PUS1: variants seen among roughly 807,000 people sequenced by gnomAD.
PUS1 encodes the protein pseudouridylate synthase 1 homolog.
PUS1 carries 25 observed loss-of-function variants against 38.5 expected under a neutral mutation model. That is an observed-to-expected ratio of 0.65 (90% CI 0.47 to 0.91). The LOEUF (loss-of-function observed/expected upper bound fraction) is 0.91, where lower values mean the gene tolerates loss of function less well. Ranked by LOEUF, PUS1 falls within the 40% of genes least tolerant of loss-of-function variation. The pLI is 0.00. For missense variants in PUS1, 597 were observed against 612.3 expected (o/e 0.97, Z 0.26); for synonymous variants, 282 against 260.4 (o/e 1.08, Z -0.80).
At chr12:131,938,238 G>A (rs778251114) in intron 3 of PUS1, among the ~76,000 whole-genome samples, 17 of 152,112 alleles carry the variant, frequency 1.1e-4, no homozygotes, top group Admixed American at 1.0e-3. Context: ...GAGGCCAGGA[G>A]TTCGAGACCA....
chr12:131,929,881 C>T, intron 1 of PUS1, 26 bp from the exon 2 acceptor site: 1 of 1,462,850 alleles, frequency 6.8e-7, no homozygotes. Flanking sequence ...CGAGCGGGCC[C>T]CCGCTCACGC....
Position 131,941,980 on chromosome 12 carries a change from C to A in PUS1, c.1233C>A (p.Ala411=), listed in dbSNP as rs764150814. The change falls in exon 5 of 6, where the codon GCC becomes GCA. Residue 411 remains alanine, a synonymous_variant. Coordinates refer to ENST00000376649, the MANE Select transcript of PUS1 (RefSeq NM_025215.6). This position sits in a 1 kb window ranked among gnomAD's most constrained non-coding sequence, Gnocchi z 4.4. ...ATALTAGGTG[A]KVPSPLEGSE... Reference sequence around the variant, plus strand: ...CTCTCACGGCAGGTGGCACGGGCGCCAAGGTAGGGGCACAGTCCCAGCAGT... The same window carrying A: ...CTCTCACGGCAGGTGGCACGGGCGCAAAGGTAGGGGCACAGTCCCAGCAGT... 2 of 1,611,874 alleles carry A rather than the reference C, an allele frequency of 1.2e-6. No homozygotes were observed. The highest frequency in any genetic ancestry group is 1.3e-5 in the African/African-American group (1 of 75,020).
At chr12:131,942,596 TG>T (rs1483491824) in intron 5 of PUS1, among the ~76,000 whole-genome samples, 2 of 151,926 alleles carry the variant, frequency 1.3e-5, no homozygotes, top group Non-Finnish European at 2.9e-5. Flanking sequence ...TTAGTAGAGA[TG>T]GGGTTTCACC....
rs371156598 is a variant in PUS1 at position 131,945,792 on chromosome 12, C to G, written c.*2206C>G. 6.6e-6 allele frequency: 1 copy of G among 152,200 alleles called. No homozygotes were observed. The highest frequency in any genetic ancestry group is 6.5e-5 in the Admixed American group (1 of 15,282). 9.4% of individuals were successfully genotyped at this position (152,200 alleles called of 1,614,324 possible). On this transcript the variant is annotated 3_prime_UTR_variant, in exon 6 of 6. Coordinates refer to ENST00000376649, the MANE Select transcript of PUS1 (RefSeq NM_025215.6). ...GATTACAGGCGTGAGCCACCGTGCC[C>G]GGCCTGGGTGACCCATTTAAATCAC...
chr12:131,942,527 C>G (rs925414259), intron 5 of PUS1, among the ~76,000 whole-genome samples: 14 of 152,150 alleles, frequency 9.2e-5, no homozygotes, highest in Admixed American at 2.0e-4. Context: ...CTGCCTCAGC[C>G]TCCCGAGTAG....
At chr12:131,936,879 A>T (rs1890858131) in intron 3 of PUS1, among the ~76,000 whole-genome samples, 1 of 151,972 alleles carries the variant, frequency 6.6e-6, no homozygotes, top group African/African-American at 2.4e-5. Context: ...AAAAAAAAAA[A>T]AGTATACAGT....
chr12:131,943,884 C>A lies in PUS1; in HGVS notation c.*298C>A, dbSNP rs958932191. On this transcript the variant is annotated 3_prime_UTR_variant, in exon 6 of 6. Coordinates refer to ENST00000376649, the MANE Select transcript of PUS1 (RefSeq NM_025215.6). ...ATCCTTGGTTTGCCTTTTTCTTAGTCTTTTTTAACATTTTTTTCGTCCACA... is the reference window on the plus strand; with the variant it reads ...ATCCTTGGTTTGCCTTTTTCTTAGTATTTTTTAACATTTTTTTCGTCCACA... The A allele has an allele frequency of 1.5e-5, 6 of 399,676 alleles. No homozygotes were observed. The highest frequency in any genetic ancestry group is 7.2e-5 in the Admixed American group (2 of 27,592). 24.8% of individuals were successfully genotyped at this position (399,676 alleles called of 1,614,324 possible).
chr12:131,930,256 GGCAGGATTTAGGT>G (rs1328481797), intron 2 of PUS1, 121 bp downstream of exon 2: 124 of 569,512 alleles, frequency 2.2e-4, no homozygotes, highest in Admixed American at 3.5e-4. Context: ...CGGCGGGTCC[GGCAGGATTTAGGT>G]GCAGGCCCAA....
chr12:131,944,739 G>A lies in PUS1; in HGVS notation c.*1153G>A, dbSNP rs1378223509. 1 of 153,106 alleles carries A rather than the reference G, an allele frequency of 6.5e-6. No individual in the cohort carries two copies. The highest frequency in any genetic ancestry group is 6.5e-5 in the Admixed American group (1 of 15,280). The allele number at this position is 153,106 out of a possible 1,614,324, so 9.5% of individuals were successfully genotyped here. ...CCGGTGCCAGGCAGGTGGGGGTTGG[G>A]GCAGAGGGCAGAAGGAAAGGGTGCA... On this transcript the variant is annotated 3_prime_UTR_variant, in exon 6 of 6. Coordinates refer to ENST00000376649, the MANE Select transcript of PUS1 (RefSeq NM_025215.6).
At chr12:131,932,041 CA>C (rs1267569453) in intron 2 of PUS1, 133 bp from the exon 3 acceptor site, 6 of 783,410 alleles carry the variant, frequency 7.7e-6, no homozygotes, top group Non-Finnish European at 1.3e-5. Context: ...ATGAGCGTGG[CA>C]GCTCACACTT....
At position 131,941,815 on chromosome 12, in the gene PUS1, G is replaced by A. The variant is rs201753270; in HGVS notation, c.1068G>A (p.Leu356=). Residue 356 remains leucine, a synonymous_variant, in exon 5 of 6, where the codon CTG becomes CTA. Coordinates refer to ENST00000376649, the MANE Select transcript of PUS1 (RefSeq NM_025215.6). This position sits in a 1 kb window ranked among gnomAD's most constrained non-coding sequence, Gnocchi z 4.4. ...GCAACGATGGGCTGCATGAGCCGCT[G>A]GACTGGGCGCAGGAGGAAGGAAAGG... ...RFGNDGLHEP[L]DWAQEEGKVA... The A allele has an allele frequency of 6.2e-5, 100 of 1,613,710 alleles. No individual in the cohort carries two copies. In the Middle Eastern group the frequency reaches 2.3e-3, roughly 37 times the overall value.
chr12:131,943,657 G>C lies in PUS1; in HGVS notation c.*71G>C. On this transcript the variant is annotated 3_prime_UTR_variant, in exon 6 of 6. Transcript: ENST00000376649. ...GTGTGCCCAGATGTGCCACCCCTGT[G>C]GGCAGCAAGAAGCTGGGATCGCTGC... The C allele has an allele frequency of 7.7e-7, 1 of 1,297,294 alleles. No homozygotes were observed. Among genetic ancestry groups the C allele is most frequent in the Non-Finnish European group, 1.1e-6 (1 of 895,844 alleles). 80.4% of individuals were successfully genotyped at this position (1,297,294 alleles called of 1,614,324 possible).
chr12:131,936,732 T>A (rs1890852627), intron 3 of PUS1, among the ~76,000 whole-genome samples: 1 of 151,874 alleles, frequency 6.6e-6, no homozygotes, highest in Non-Finnish European at 1.5e-5. Flanking sequence ...CTACTAAAGA[T>A]ACAAAAATTA....
Position 131,941,398 on chromosome 12 carries a change from T to C in PUS1, c.651T>C (p.Val217=). 1.9e-6 allele frequency: 3 copies of C among 1,614,192 alleles called. No homozygotes were observed. The highest frequency in any genetic ancestry group is 2.5e-6 in the Non-Finnish European group (3 of 1,180,044). Residue 217 remains valine, a synonymous_variant, in exon 5 of 6, where the codon GTT becomes GTC. Transcript: ENST00000376649. The surrounding 1 kb of genome is among the most constrained non-coding windows in gnomAD (Gnocchi z 4.4). The part of the protein sequence containing the change: ...TFAFAHKDRD[V]QDETYRLSAE... ...CCTTTGCGCACAAGGACCGGGACGT[T>C]CAGGATGAGACCTACCGCCTGAGCG...
rs118123901 is a variant in PUS1 at position 131,932,088 on chromosome 12, C to T, written c.304-87C>T. The T allele has an allele frequency of 9.8e-3, 11,416 of 1,159,744 alleles. 349 individuals carry two copies. Among genetic ancestry groups the T allele is most frequent in the South Asian group, 0.079 (6,081 of 76,958 alleles). 71.8% of individuals were successfully genotyped at this position (1,159,744 alleles called of 1,614,324 possible). Reference sequence around the variant, plus strand: ...CACTTCAGGAGGCCAGAGGAGTAAGCGGCCAGGAGTTCGAGACCAGCCTGG... The same window carrying T: ...CACTTCAGGAGGCCAGAGGAGTAAGTGGCCAGGAGTTCGAGACCAGCCTGG... On this transcript the variant is annotated intron_variant, in intron 2 of 5. Coordinates refer to ENST00000376649, the MANE Select transcript of PUS1 (RefSeq NM_025215.6).
chr12:131,930,153 G>A lies in PUS1; in HGVS notation c.303+18G>A. On this transcript the variant is annotated intron_variant, in intron 2 of 5. Transcript: ENST00000376649. The stretch of plus-strand genomic sequence containing the variant: ...GCATGCAGGTGTGGCCGCCCGGGAA[G>A]CGGCAGGTCCCGCGGGGTTTAGGTG... 7.1e-7 allele frequency: 1 copy of A among 1,412,004 alleles called. No homozygotes were observed. The highest frequency in any genetic ancestry group is 2.8e-5 in the East Asian group (1 of 36,268). The allele number at this position is 1,412,004 out of a possible 1,614,324, so 87.5% of individuals were successfully genotyped here.
At chr12:131,937,795 C>A (rs934981994) in intron 3 of PUS1, among the ~76,000 whole-genome samples, 2 of 152,172 alleles carry the variant, frequency 1.3e-5, no homozygotes, top group African/African-American at 4.8e-5. Context: ...ATCTTCCTAC[C>A]TTAGCCTCCC....
At chr12:131,940,291 A>G (rs1215300748) in intron 4 of PUS1, among the ~76,000 whole-genome samples, 1 of 152,134 alleles carries the variant, frequency 6.6e-6, no homozygotes, top group Admixed American at 6.5e-5. Flanking sequence ...TCAGCCTCCC[A>G]AAGTGTTGGC....
At chr12:131,940,801 G>T (rs1891027558) in intron 4 of PUS1, 2 of 162,908 alleles carry the variant, frequency 1.2e-5, no homozygotes, top group South Asian at 3.3e-4. Flanking sequence ...TCAAACTCCT[G>T]ACCTCAGGTG....
Sources: allele counts gnomAD v4.1 joint callset (sites outside exome capture counted in the v4.1 genomes callset), GRCh38; gene constraint gnomAD v4.1.1; non-coding constraint Gnocchi (gnomAD v3.1); transcripts MANE v1.5; gene names NCBI Gene and HGNC (gene_info 2026-07-23, HGNC 2026-07-21).